Variants in FSTL4 observed in about 807,000 individuals in gnomAD.
The protein encoded by FSTL4 is follistatin-related protein 4.
Under a neutral mutation model 78.2 loss-of-function variants are expected in FSTL4, and 28 were observed. That is an observed-to-expected ratio of 0.36 (90% confidence interval 0.27 to 0.49). The LOEUF (loss-of-function observed/expected upper bound fraction) is 0.49, where lower values mean the gene tolerates loss of function less well. FSTL4 is among the 20% of genes least tolerant of loss of function. FSTL4 has a pLI of 0.98. For synonymous variants in FSTL4, 422 were observed against 440.5 expected, an observed-to-expected ratio of 0.96 and a Z score of 0.53; for missense variants, 922 against 1,084.9, an observed-to-expected ratio of 0.85 and a Z score of 2.11.
chr5:133,358,817 C>A (rs1755002873), intron 4 of FSTL4, among the ~76,000 whole-genome samples: 1 of 152,058 alleles, frequency 6.6e-6, no homozygotes, highest in Non-Finnish European at 1.5e-5. Flanking sequence ...CCAGGCTGGT[C>A]TCAAACAAGT....
intron 7 of FSTL4, among the ~76,000 whole-genome samples, chr5:133,242,866 C>T (rs1451301050): frequency 6.6e-6 from 1 of 152,180 alleles, no homozygotes; most frequent in Non-Finnish European, 1.5e-5. Context: ...TAATGCAGAG[C>T]CTACAACCAC....
intron 2 of FSTL4, among the ~76,000 whole-genome samples, chr5:133,600,347 T>C (rs1760837776): frequency 6.6e-6 from 1 of 152,084 alleles, no homozygotes; most frequent in South Asian, 2.1e-4. Context: ...TTTCGACCTA[T>C]GATATTTTCA....
At chr5:133,764,575 C>T in the FSTL4 span, among the ~76,000 whole-genome samples, 10 of 151,842 alleles carry the variant, frequency 6.6e-5, no homozygotes, top group Non-Finnish European at 7.3e-5. Flanking sequence ...CACCTAAGCA[C>T]AGGCACATAA....
At chr5:133,466,192 C>G (rs899220509) in intron 3 of FSTL4, among the ~76,000 whole-genome samples, 31 of 152,244 alleles carry the variant, frequency 2.0e-4, no homozygotes, top group African/African-American at 7.5e-4. Context: ...ATCAATCTCT[C>G]TCTTCCCCAG....
the FSTL4 span, among the ~76,000 whole-genome samples, chr5:133,705,056 G>GTTT: frequency 6.6e-6 from 1 of 152,170 alleles, no homozygotes; most frequent in Non-Finnish European, 1.5e-5. Context: ...TGGAATATAT[G>GTTT]TTTTTGTTGT....
At chr5:133,293,510 C>G (rs1740611502) in intron 6 of FSTL4, among the ~76,000 whole-genome samples, 1 of 152,200 alleles carries the variant, frequency 6.6e-6, no homozygotes. Flanking sequence ...CTCCTGTGGA[C>G]ACAGCTGGAC....
At chr5:133,232,134 T>C (rs1191475353) in intron 8 of FSTL4, among the ~76,000 whole-genome samples, 1 of 152,212 alleles carries the variant, frequency 6.6e-6, no homozygotes, top group East Asian at 1.9e-4. Flanking sequence ...ATGAAAGCAA[T>C]GCAAGAGGTT....
chr5:133,288,235 T>C lies in FSTL4; in HGVS notation c.727+24419A>G, dbSNP rs569517789. 2.6e-5 allele frequency among the ~76,000 whole-genome samples: 4 copies of C among 152,382 alleles called. No individual in the cohort carries two copies. The South Asian group carries it at 8.3e-4, about 32-fold the overall frequency. On this transcript the variant is annotated intron_variant, in intron 6 of 15. Transcript: ENST00000265342. ...CTGGGAGTGAGTGACTTAACCTTTCTGAGGGTGGGGCTTTGCGGACTCTGC... is the reference window on the plus strand; with the variant it reads ...CTGGGAGTGAGTGACTTAACCTTTCCGAGGGTGGGGCTTTGCGGACTCTGC...
the FSTL4 span, among the ~76,000 whole-genome samples, chr5:133,824,547 A>G: frequency 1.3e-5 from 2 of 152,316 alleles, no homozygotes; most frequent in Middle Eastern, 3.4e-3. Context: ...ATTTCACAGT[A>G]TCAGAGTACC....
chr5:133,768,718 G>A, the FSTL4 span, among the ~76,000 whole-genome samples: 1 of 152,226 alleles, frequency 6.6e-6, no homozygotes, highest in Non-Finnish European at 1.5e-5. Flanking sequence ...GCTGCTAACA[G>A]AGCCACTGGG....
chr5:133,784,326 G>A, the FSTL4 span, among the ~76,000 whole-genome samples: 2 of 152,080 alleles, frequency 1.3e-5, no homozygotes, highest in Non-Finnish European at 2.9e-5. Flanking sequence ...TATTTTATGG[G>A]TGCATAAACT....
chr5:133,810,770 C>T, the FSTL4 span, among the ~76,000 whole-genome samples: 1 of 152,158 alleles, frequency 6.6e-6, no homozygotes, highest in Non-Finnish European at 1.5e-5. Context: ...GGGGTCTTTG[C>T]CCGGCCAGCA....
In FSTL4 at chr5:133,586,254, C is replaced by A. The variant is rs1406922145; in HGVS notation, c.126+17604G>T. ...AAGCAAGAGTAAACACATTCAAAAG[C>A]TAGCAGAAGGCAAGACATAACTAAA... On this transcript the variant is annotated intron_variant, in intron 2 of 15. Transcript: ENST00000265342. Among the ~76,000 whole-genome samples, 2 of 105,434 alleles carry A rather than the reference C, an allele frequency of 1.9e-5. 1 individual carries two copies. The highest frequency in any genetic ancestry group is 6.8e-4 in the East Asian group (2 of 2,956). The allele number at this position is 105,434 out of a possible 152,430, so 69.2% of individuals were successfully genotyped here.
In FSTL4 at chr5:133,387,016, T is replaced by C. The variant is rs12152943; in HGVS notation, c.409+13722A>G. ...ATTTCCCTTTAGGGGAGTGAGAGTT[T>C]TTAGGTACCTGCTGTCTGATCAGTT... On this transcript the variant is annotated intron_variant, in intron 4 of 15. Coordinates refer to ENST00000265342, the MANE Select transcript of FSTL4 (RefSeq NM_015082.2). Among the ~76,000 whole-genome samples the C allele has an allele frequency of 5.1e-3, 783 of 152,310 alleles. 5 individuals carry two copies. Among genetic ancestry groups the C allele is most frequent in the Non-Finnish European group, 7.9e-3 (537 of 68,034 alleles).
the FSTL4 span, among the ~76,000 whole-genome samples, chr5:133,746,237 A>G: frequency 1.9e-4 from 29 of 152,234 alleles, no homozygotes; most frequent in African/African-American, 5.5e-4. Context: ...AAAAGCAAAC[A>G]ATATATTACT....
chr5:133,815,526 T>C, the FSTL4 span, among the ~76,000 whole-genome samples: 1 of 152,076 alleles, frequency 6.6e-6, no homozygotes, highest in African/African-American at 2.4e-5. Context: ...TCCTCAGAAA[T>C]GTAAGATGTG....
chr5:133,612,948 T>C (rs1034432759), upstream of FSTL4, among the ~76,000 whole-genome samples: 11 of 152,156 alleles, frequency 7.2e-5, no homozygotes, highest in African/African-American at 2.7e-4. This position sits in a 1 kb window ranked among gnomAD's most constrained non-coding sequence, Gnocchi z 6.2. Context: ...GGGGACAAAG[T>C]GGGTGAAATC....
At chr5:133,458,754 G>C (rs1006847157) in intron 3 of FSTL4, among the ~76,000 whole-genome samples, 1 of 152,248 alleles carries the variant, frequency 6.6e-6, no homozygotes, top group African/African-American at 2.4e-5. Context: ...GTCTGTGGGA[G>C]TATTATCACC....
rs750084709 is a variant in FSTL4, at chr5:133,233,401, G to A, written c.1015+16C>T. On this transcript the variant is annotated intron_variant, in intron 8 of 15. Transcript: ENST00000265342. ...GAGGCTATGAGGGGACAACATGCAT[G>A]GAGCCATTTACTAACCATTCACCTG... 1.2e-6 allele frequency: 2 copies of A among 1,613,838 alleles called. No homozygotes were observed. The highest frequency in any genetic ancestry group is 1.7e-6 in the Non-Finnish European group (2 of 1,179,900).
Sources: gnomAD v4.1 joint callset for allele counts (sites outside exome capture counted in the v4.1 genomes callset) on GRCh38, gnomAD v4.1.1 for gene constraint, Gnocchi (gnomAD v3.1) non-coding constraint, MANE v1.5 for transcripts, NCBI Gene and HGNC (gene_info 2026-07-23, HGNC 2026-07-21) for gene names.